C3: variants seen among roughly 807,000 people sequenced by gnomAD.
The protein encoded by C3 is complement C3, also known as C3 and PZP-like alpha-2-macroglobulin domain-containing protein 1.
Under a neutral mutation model 207.9 loss-of-function variants are expected in C3, and 97 were observed. The ratio of observed to expected loss-of-function variants is 0.47; its 90% CI spans 0.40 to 0.55. The LOEUF is 0.55. C3 is among the 20% of genes least tolerant of loss of function. C3 has a pLI of 0.00. For missense variants in C3, 1,684 were observed against 2,171.7 expected, an observed-to-expected ratio of 0.78 and a Z score of 4.46; for synonymous variants, 848 against 857.6, an observed-to-expected ratio of 0.99 and a Z score of 0.20.
chr19:6,700,318 A>C (rs117799383), intron 19 of C3, among the ~76,000 whole-genome samples: 1 of 14,614 alleles, frequency 6.8e-5, no homozygotes, highest in African/African-American at 4.4e-4. Flanking sequence ...TATTATATGT[A>C]ATATAACATA....
chr19:6,709,611 T>TGGCCCC, intron 14 of C3, 73 bp downstream of exon 14: 15 of 1,109,410 alleles, frequency 1.4e-5, no homozygotes, highest in Admixed American at 1.8e-5. Flanking sequence ...CCCTCTCCAG[T>TGGCCCC]CCCACCCACC....
chr19:6,693,286 G>T (rs1283954643), intron 25 of C3, 126 bp downstream of exon 25: 19 of 1,119,694 alleles, frequency 1.7e-5, no homozygotes, highest in Non-Finnish European at 2.1e-5. Flanking sequence ...CGCTTGCCTG[G>T]ACTCTGCAGG....
intron 11 of C3, among the ~76,000 whole-genome samples, chr19:6,711,669 A>G (rs1412321525): frequency 6.6e-6 from 1 of 152,104 alleles, no homozygotes; most frequent in Non-Finnish European, 1.5e-5. Context: ...GAGCACAGGG[A>G]GGGGTAAGTG....
chr19:6,695,626 T>C (rs967430288), intron 23 of C3, among the ~76,000 whole-genome samples: 6 of 151,900 alleles, frequency 3.9e-5, no homozygotes, highest in African/African-American at 1.2e-4. Context: ...ATTACAGGCA[T>C]GTGCCACCAC....
intron 36 of C3, among the ~76,000 whole-genome samples, chr19:6,679,701 C>T (rs1250164313): frequency 2.0e-5 from 3 of 152,062 alleles, no homozygotes; most frequent in South Asian, 2.1e-4. Context: ...TCTCAACTCA[C>T]AGAAGCCTGG....
At chr19:6,711,257 C>A in intron 11 of C3, 61 bp from the exon 12 acceptor site, 1 of 1,412,316 alleles carries the variant, frequency 7.1e-7, no homozygotes, top group Non-Finnish European at 9.9e-7. Flanking sequence ...ACCCGAATCC[C>A]TGAGACCTGG....
Position 6,694,417 on chromosome 19 carries a change from G to A in C3, c.3154+14C>T, listed in dbSNP as rs1485392973. 1 of 1,612,922 alleles carries A rather than the reference G, an allele frequency of 6.2e-7. No individual in the cohort carries two copies. Among genetic ancestry groups the A allele is most frequent in the South Asian group, 1.1e-5 (1 of 91,060 alleles). On this transcript the variant is annotated intron_variant, in intron 24 of 40. Coordinates refer to ENST00000245907, the MANE Select transcript of C3 (RefSeq NM_000064.4). ...AGGGGTCCCTGGGGTCTCCAAGAGG[G>A]GCAGGGAGCCCACCCTTCTTGATGA... is the stretch of plus-strand genomic sequence containing the variant.
chr19:6,706,460 T>C (rs1967775319), intron 17 of C3, among the ~76,000 whole-genome samples: 1 of 152,050 alleles, frequency 6.6e-6, no homozygotes, highest in Admixed American at 6.5e-5. Flanking sequence ...GGGAGCCTCC[T>C]CCATCTCAGA....
In C3 at chr19:6,684,396, G is replaced by T. The variant is rs1432519269; in HGVS notation, c.4164C>A (p.Ile1388=). ...GTGACCTAGCTTCTTACCTGGTACA[G>T]ATCTCAAGGATCATAGTGTTCTTGG... ...QDAKNTMILE[I]CTRYRGDQDA... Residue 1388 remains isoleucine, a synonymous_variant, in exon 33 of 41, where the codon ATC becomes ATA. Transcript: ENST00000245907. 1.9e-6 allele frequency: 3 copies of T among 1,613,806 alleles called. No individual in the cohort carries two copies. Among genetic ancestry groups the T allele is most frequent in the Non-Finnish European group, 1.7e-6 (2 of 1,179,648 alleles).
chr19:6,681,812 C>T (rs2145393051), intron 35 of C3, 129 bp downstream of exon 35: 1 of 785,364 alleles, frequency 1.3e-6, no homozygotes, highest in East Asian at 2.4e-5. Flanking sequence ...CTCAGCAGCA[C>T]AGACCCTGTC....
At chr19:6,685,466 C>A (rs1376360480) in intron 29 of C3, among the ~76,000 whole-genome samples, 1 of 152,076 alleles carries the variant, frequency 6.6e-6, no homozygotes. Context: ...AGTCTTAGAC[C>A]AGGGCTTGGA....
In C3 at chr19:6,713,450, C is replaced by T; in HGVS notation, c.833G>A (p.Gly278Asp). 6.2e-7 allele frequency: 1 copy of T among 1,613,942 alleles called. No homozygotes were observed. The highest frequency in any genetic ancestry group is 8.5e-7 in the Non-Finnish European group (1 of 1,179,954). ...TTCAGGCAGGGAAATCCTCTGTTCG[C>T]CATCCTGGATCCCGAAGATGACAAA... ...TAFVIFGIQD[G>D]EQRISLPESL... Residue 278 changes from glycine (G) to aspartate (D), a missense_variant, in exon 8 of 41, where the codon GGC becomes GAC. Physicochemically the swap from Gly to Asp is moderately conservative, Grantham distance 94. Around this residue, in one of 3 missense-constraint regions of C3, gnomAD observed 1,280 missense variants for 1,739.1 expected, o/e 0.74. Transcript: ENST00000245907.
At chr19:6,683,895 A>T (rs1025549057) in intron 33 of C3, among the ~76,000 whole-genome samples, 1 of 152,212 alleles carries the variant, frequency 6.6e-6, no homozygotes, top group African/African-American at 2.4e-5. Flanking sequence ...GGAGTTCGAG[A>T]CCAGCCTGGG....
chr19:6,713,944 C>G, intron 7 of C3, 48 bp downstream of exon 7: 1 of 1,289,468 alleles, frequency 7.8e-7, no homozygotes, highest in Non-Finnish European at 1.1e-6. Flanking sequence ...CTGGTCTTCA[C>G]CTGGTCCCTC....
At chr19:6,702,671 G>A in intron 17 of C3, 92 bp from the exon 18 acceptor site, 1 of 868,716 alleles carries the variant, frequency 1.2e-6, no homozygotes, top group Non-Finnish European at 2.0e-6. Context: ...GCCAAGGCAG[G>A]TGGATCACTT....
Position 6,714,248 on chromosome 19 carries a change from G to A in C3, c.600C>T (p.Asn200=), listed in dbSNP as rs1967985273. 6.2e-7 allele frequency: 1 copy of A among 1,613,838 alleles called. No individual in the cohort carries two copies. The highest frequency in any genetic ancestry group is 8.5e-7 in the Non-Finnish European group (1 of 1,179,948). ...AGGCTCGGATCTTCCACTGGCCCAT[G>A]CTGTGAGGAGGGCGGATGAGTGGTC... is the stretch of plus-strand genomic sequence containing the variant. ...PLSWDIPELV[N]MGQWKIRAYY... Residue 200 remains asparagine (N), a splice_region_variant and synonymous_variant, in exon 6 of 41, where the codon AAC becomes AAT. Coordinates refer to ENST00000245907, the MANE Select transcript of C3 (RefSeq NM_000064.4).
intron 6 of C3, 21 bp from the exon 7 acceptor site, chr19:6,714,103 G>A (rs368682362): frequency 6.2e-7 from 1 of 1,611,038 alleles, no homozygotes; most frequent in African/African-American, 1.3e-5. Context: ...GATGGCGTTG[G>A]TGGGGCCGGC....
At chr19:6,684,966 G>A (rs557340521) in intron 30 of C3, 22 bp downstream of exon 30, 3 of 1,613,148 alleles carry the variant, frequency 1.9e-6, no homozygotes, top group Non-Finnish European at 2.5e-6. Context: ...AGAGTGAGGA[G>A]GGCTTGGCTG....
At chr19:6,689,919 G>T (rs1252282473) in intron 27 of C3, among the ~76,000 whole-genome samples, 1 of 152,176 alleles carries the variant, frequency 6.6e-6, no homozygotes, top group Non-Finnish European at 1.5e-5. Context: ...GAGGCAAAGG[G>T]TGCAGTGAGC....
Sources: gnomAD v4.1 joint callset for allele counts (sites outside exome capture counted in the v4.1 genomes callset) on GRCh38, gnomAD v4.1.1 for gene constraint, gnomAD v4.1.1 regional missense constraint, MANE v1.5 for transcripts, NCBI Gene and HGNC (gene_info 2026-07-23, HGNC 2026-07-21) for gene names.